The following CADM2 variants were observed in gnomAD, a reference collection of about 807,000 sequenced individuals.
The protein encoded by CADM2 is cell adhesion molecule 2, also known as immunoglobulin superfamily member 4D.
CADM2 carries 12 observed loss-of-function variants against 49.8 expected under a neutral mutation model. The observed-to-expected ratio is 0.24, with a 90% CI of 0.15 to 0.39. The LOEUF (loss-of-function observed/expected upper bound fraction) is 0.39. CADM2 is among the 10% of genes least tolerant of loss of function. The probability of loss-of-function intolerance (pLI) is 1.00; values close to 1 mark genes in which losing one functional copy is unlikely to be tolerated. For missense variants in CADM2, 378 were observed against 492.3 expected, an observed-to-expected ratio of 0.77 and a Z score of 2.20; for synonymous variants, 214 against 175.4, an observed-to-expected ratio of 1.22 and a Z score of -1.74.
At chr3:85,278,826 A>C (rs1199526413) in intron 1 of CADM2, among the ~76,000 whole-genome samples, 2 of 151,198 alleles carry the variant, frequency 1.3e-5, no homozygotes, top group Non-Finnish European at 3.0e-5. Flanking sequence ...AGATAAATAT[A>C]AAAGATATAC....
chr3:85,495,584 T>C (rs1487834052), intron 1 of CADM2, among the ~76,000 whole-genome samples: 1 of 152,092 alleles, frequency 6.6e-6, no homozygotes, highest in African/African-American at 2.4e-5. Context: ...ATTTTGCTGA[T>C]TTATCCTAAC....
chr3:85,797,333 T>G (rs2071690958), intron 2 of CADM2, among the ~76,000 whole-genome samples: 1 of 152,062 alleles, frequency 6.6e-6, no homozygotes, highest in South Asian at 2.1e-4. Context: ...GGTATACATG[T>G]GCCATGGTGG....
chr3:85,185,049 A>G (rs1452117), intron 1 of CADM2, among the ~76,000 whole-genome samples: 102,526 of 151,816 alleles, frequency 0.68, 35,509 homozygotes, highest in African/African-American at 0.82. Flanking sequence ...ATGTAACCCT[A>G]GCTCCAAGAT....
chr3:85,770,385 G>T (rs1194716056), intron 2 of CADM2, among the ~76,000 whole-genome samples: 1 of 152,014 alleles, frequency 6.6e-6, no homozygotes, highest in African/African-American at 2.4e-5. Context: ...ATGGCTCACT[G>T]CAGCCTTGAC....
At chr3:85,065,112 G>T (rs2036478377) in intron 1 of CADM2, among the ~76,000 whole-genome samples, 1 of 151,846 alleles carries the variant, frequency 6.6e-6, no homozygotes, top group African/African-American at 2.4e-5. Flanking sequence ...TTTCCCACTT[G>T]TGAATTAGTA....
At chr3:85,059,633 G>A (rs758950339) in intron 1 of CADM2, among the ~76,000 whole-genome samples, 1 of 152,082 alleles carries the variant, frequency 6.6e-6, no homozygotes, top group African/African-American at 2.4e-5. Flanking sequence ...ATGAGGGTGA[G>A]TCTTTCCTGT....
At chr3:85,980,623 G>C (rs1462008251) in intron 8 of CADM2, among the ~76,000 whole-genome samples, 1 of 151,380 alleles carries the variant, frequency 6.6e-6, no homozygotes, top group African/African-American at 2.4e-5. Flanking sequence ...AATGGGAAAA[G>C]AGACATAATG....
At chr3:86,016,457 G>GACA (rs1732246299) in intron 8 of CADM2, among the ~76,000 whole-genome samples, 1 of 152,204 alleles carries the variant, frequency 6.6e-6, no homozygotes, top group African/African-American at 2.4e-5. Context: ...AAAGGTTAAT[G>GACA]ACATGTAAGG....
chr3:85,643,471 A>C (rs1281310143), intron 1 of CADM2, among the ~76,000 whole-genome samples: 1 of 152,308 alleles, frequency 6.6e-6, no homozygotes, highest in South Asian at 2.1e-4. Context: ...TCCAGAGATG[A>C]TTAGCTGCCA....
chr3:85,063,272 T>C (rs1273271438), intron 1 of CADM2, among the ~76,000 whole-genome samples: 2 of 151,986 alleles, frequency 1.3e-5, no homozygotes, highest in African/African-American at 4.8e-5. Flanking sequence ...AAATGGAATC[T>C]TTTTAACTAA....
intron 1 of CADM2, among the ~76,000 whole-genome samples, chr3:85,609,312 A>G (rs1576924614): frequency 6.6e-6 from 1 of 152,234 alleles, no homozygotes; most frequent in South Asian, 2.1e-4. Flanking sequence ...ACCTATATTA[A>G]CTACAAAATA....
intron 8 of CADM2, among the ~76,000 whole-genome samples, chr3:86,059,256 C>T (rs576515136): frequency 1.3e-5 from 2 of 151,972 alleles, no homozygotes; most frequent in South Asian, 4.2e-4. Flanking sequence ...TGATAGAAAC[C>T]CCAGCAATGA....
At chr3:85,413,648 C>T (rs370589478) in intron 1 of CADM2, among the ~76,000 whole-genome samples, 5 of 152,146 alleles carry the variant, frequency 3.3e-5, no homozygotes, top group African/African-American at 9.7e-5. Context: ...TACTTTTAAA[C>T]AGTCGGATCT....
At chr3:85,634,906 T>C (rs1390673490) in intron 1 of CADM2, among the ~76,000 whole-genome samples, 1 of 152,060 alleles carries the variant, frequency 6.6e-6, no homozygotes, top group Admixed American at 6.6e-5. Flanking sequence ...TAAATGTGTA[T>C]ATGTGCATAC....
chr3:85,804,051 A>G (rs192761806), intron 3 of CADM2, among the ~76,000 whole-genome samples: 3 of 152,286 alleles, frequency 2.0e-5, no homozygotes, highest in African/African-American at 7.2e-5. Context: ...TAAAAAAATT[A>G]AATGCATACA....
intron 1 of CADM2, among the ~76,000 whole-genome samples, chr3:85,285,152 A>G (rs149969922): frequency 2.0e-4 from 30 of 152,214 alleles, no homozygotes; most frequent in African/African-American, 6.0e-4. Flanking sequence ...GCAATTGGAA[A>G]ATTAGGATTG....
chr3:85,207,768 C>T lies in CADM2; in HGVS notation c.61+248100C>T, dbSNP rs574057464. 1.4e-4 allele frequency among the ~76,000 whole-genome samples: 22 copies of T among 152,234 alleles called. No individual in the cohort carries two copies. The South Asian group carries it at 3.5e-3, about 24-fold the overall frequency. ...CAACTGGCATACTTTTAATTTGAAT[C>T]ATTTAATTTGACAAACATTTGGCTT... On this transcript the variant is annotated intron_variant, in intron 1 of 9. Coordinates refer to ENST00000383699, the MANE Select transcript of CADM2 (RefSeq NM_001167675.2).
intron 1 of CADM2, among the ~76,000 whole-genome samples, chr3:85,066,812 A>G (rs1288921647): frequency 6.6e-6 from 1 of 152,176 alleles, no homozygotes; most frequent in Non-Finnish European, 1.5e-5. Context: ...TCCTGTTTGT[A>G]AATACTCTGT....
Position 85,530,867 on chromosome 3 carries a change from TACACACACAC to T in CADM2, c.62-195617_62-195608del, listed in dbSNP as rs71617940. 4.8e-3 allele frequency among the ~76,000 whole-genome samples: 662 copies of T among 136,918 alleles called. 4 individuals are homozygous for T. Among genetic ancestry groups the T allele is most frequent in the African/African-American group, 7.3e-3 (263 of 35,880 alleles). 89.8% of individuals were successfully genotyped at this position (136,918 alleles called of 152,430 possible). On this transcript the variant is annotated intron_variant, in intron 1 of 9. Coordinates refer to ENST00000383699, the MANE Select transcript of CADM2 (RefSeq NM_001167675.2). ...CAAAATCAAGTGGTTTATGTAAAAATACACACACACACACACACACACACACACACACACA... is the reference window on the plus strand; with the variant it reads ...CAAAATCAAGTGGTTTATGTAAAAATACACACACACACACACACACACACA...
Sources: allele counts gnomAD v4.1 joint callset (sites outside exome capture counted in the v4.1 genomes callset), GRCh38; gene constraint gnomAD v4.1.1; transcripts MANE v1.5; gene names NCBI Gene and HGNC (gene_info 2026-07-23, HGNC 2026-07-21).